RBMS3: variants seen among roughly 807,000 people sequenced by gnomAD.
RBMS3 encodes the protein RNA binding motif single stranded interacting protein 3, also known as RNA-binding motif, single-stranded-interacting protein 3.
RBMS3 carries 27 observed loss-of-function variants against 66.8 expected under a neutral mutation model. The observed-to-expected ratio is 0.40, with a 90% CI of 0.30 to 0.56. The LOEUF is 0.56. Among genes scored for constraint, RBMS3 ranks in the 20% least tolerant of loss-of-function variants. The pLI is 0.40. For missense variants in RBMS3, 513 were observed against 549.5 expected (o/e 0.93, Z 0.66); for synonymous variants, 188 against 183.0 (o/e 1.03, Z -0.22).
intron 4 of RBMS3, among the ~76,000 whole-genome samples, chr3:29,638,897 T>C (rs2049575555): frequency 6.6e-6 from 1 of 151,874 alleles, no homozygotes; most frequent in African/African-American, 2.4e-5. Flanking sequence ...TTAATGTATA[T>C]CGCTGTAAAT....
In RBMS3 at chr3:29,343,242, G is replaced by A. The variant is rs536037399; in HGVS notation, c.75+61486G>A. On this transcript the variant is annotated intron_variant, in intron 1 of 14. Coordinates refer to ENST00000383767, the MANE Select transcript of RBMS3 (RefSeq NM_001003793.3). Reference sequence around the variant, plus strand: ...ATTGGCTTATAACAAGTGAGTATTTGCATAAATAATGCCGTTTGGGGAGTT... The same window carrying A: ...ATTGGCTTATAACAAGTGAGTATTTACATAAATAATGCCGTTTGGGGAGTT... 3.9e-5 allele frequency among the ~76,000 whole-genome samples: 6 copies of A among 152,166 alleles called. No homozygotes were observed. The South Asian group carries it at 1.0e-3, about 26-fold the overall frequency.
At chr3:29,289,622 C>T (rs750159062) in intron 1 of RBMS3, among the ~76,000 whole-genome samples, 53 of 151,710 alleles carry the variant, frequency 3.5e-4, no homozygotes, top group Non-Finnish European at 4.7e-4. Flanking sequence ...AAATGGAACC[C>T]GGAATTTTGT....
intron 3 of RBMS3, among the ~76,000 whole-genome samples, chr3:29,504,527 A>G (rs569605111): frequency 1.8e-3 from 272 of 152,248 alleles, no homozygotes; most frequent in Non-Finnish European, 2.9e-3. Flanking sequence ...TTTCTTGGCT[A>G]TTGTGAATAA....
chr3:29,372,737 A>C (rs995916424), intron 1 of RBMS3, among the ~76,000 whole-genome samples: 23 of 152,174 alleles, frequency 1.5e-4, no homozygotes, highest in Admixed American at 1.3e-3. Context: ...GGAAACTACT[A>C]ATTGAAATAT....
chr3:29,731,079 G>C (rs1229921304), intron 4 of RBMS3: 8 of 940,380 alleles, frequency 8.5e-6, no homozygotes, highest in Admixed American at 6.2e-5. Flanking sequence ...TCAATTGAAG[G>C]CTCCTCAATT....
At chr3:29,976,854 A>AT (rs769494380) in intron 12 of RBMS3, among the ~76,000 whole-genome samples, 3 of 145,834 alleles carry the variant, frequency 2.1e-5, no homozygotes. Flanking sequence ...AAAGTGTGGA[A>AT]TACCTCTGCT....
At chr3:29,863,799 A>G (rs1426423521) in intron 6 of RBMS3, among the ~76,000 whole-genome samples, 2 of 152,186 alleles carry the variant, frequency 1.3e-5, no homozygotes, top group African/African-American at 2.4e-5. Flanking sequence ...TACTCTTTAT[A>G]TATTTGATCC....
intron 7 of RBMS3, among the ~76,000 whole-genome samples, chr3:29,881,334 A>C (rs140367180): frequency 1.4e-3 from 219 of 152,164 alleles, no homozygotes; most frequent in Middle Eastern, 0.014. Flanking sequence ...ATTGCTTTGT[A>C]TTATAATATT....
chr3:29,936,679 T>C (rs1233854498), intron 11 of RBMS3, among the ~76,000 whole-genome samples: 1 of 152,054 alleles, frequency 6.6e-6, no homozygotes, highest in East Asian at 1.9e-4. Context: ...CTTTCTGATA[T>C]GTTGATATGG....
At chr3:29,390,564 A>T (rs879271545) in intron 1 of RBMS3, among the ~76,000 whole-genome samples, 50 of 150,564 alleles carry the variant, frequency 3.3e-4, no homozygotes, top group Non-Finnish European at 7.2e-4. Flanking sequence ...TAAAAAAAAA[A>T]TGAAAAGACA....
At chr3:29,347,776 C>T (rs1444197277) in intron 1 of RBMS3, among the ~76,000 whole-genome samples, 1 of 152,120 alleles carries the variant, frequency 6.6e-6, no homozygotes, top group Non-Finnish European at 1.5e-5. Context: ...CAAAACTCGC[C>T]GTGGCAGCAC....
chr3:29,501,611 G>C (rs1163664967), intron 3 of RBMS3, among the ~76,000 whole-genome samples: 2 of 152,032 alleles, frequency 1.3e-5, no homozygotes, highest in East Asian at 3.9e-4. Flanking sequence ...ATCTGCATTA[G>C]CATTTACCAA....
intron 6 of RBMS3, among the ~76,000 whole-genome samples, chr3:29,803,913 G>A (rs1402979782): frequency 6.6e-6 from 1 of 151,982 alleles, no homozygotes; most frequent in Non-Finnish European, 1.5e-5. Flanking sequence ...AATATTTTAT[G>A]CATCCAGAGT....
intron 6 of RBMS3, among the ~76,000 whole-genome samples, chr3:29,861,759 A>G (rs1343938117): frequency 1.3e-5 from 2 of 152,232 alleles, no homozygotes; most frequent in African/African-American, 4.8e-5. Flanking sequence ...TGTATGTTGC[A>G]TGTTTAATAC....
At chr3:29,592,328 C>T (rs769388663) in intron 4 of RBMS3, among the ~76,000 whole-genome samples, 1 of 151,928 alleles carries the variant, frequency 6.6e-6, no homozygotes, top group Non-Finnish European at 1.5e-5. Flanking sequence ...CAAACAACCT[C>T]ATAAAAAAAG....
At chr3:29,489,999 C>T (rs2043471455) in intron 3 of RBMS3, among the ~76,000 whole-genome samples, 3 of 135,882 alleles carry the variant, frequency 2.2e-5, no homozygotes, top group South Asian at 2.3e-4. Flanking sequence ...GCCGAGATTG[C>T]GTCATTGCAC....
chr3:29,696,133 C>T (rs17024187), intron 4 of RBMS3, among the ~76,000 whole-genome samples: 7,957 of 152,256 alleles, frequency 0.052, 719 homozygotes, highest in African/African-American at 0.18. Flanking sequence ...GATGGTGACA[C>T]TTAATTATGG....
At position 29,471,080 on chromosome 3, in the gene RBMS3, A is replaced by T. The variant is rs543327142; in HGVS notation, c.249-17361A>T. The stretch of plus-strand genomic sequence containing the variant: ...GGTATGGAAAGTGTTAACGCCAGAT[A>T]CAAAATAATTTATGTAATAAGATTA... On this transcript the variant is annotated intron_variant, in intron 2 of 14. Coordinates refer to ENST00000383767, the MANE Select transcript of RBMS3 (RefSeq NM_001003793.3). Among the ~76,000 whole-genome samples, 16 of 152,332 alleles carry T rather than the reference A, an allele frequency of 1.1e-4. No individual in the cohort carries two copies. The South Asian group carries it at 3.3e-3, about 32-fold the overall frequency.
intron 1 of RBMS3, among the ~76,000 whole-genome samples, chr3:29,366,062 C>A (rs2037883749): frequency 6.6e-6 from 1 of 152,118 alleles, no homozygotes; most frequent in Admixed American, 6.6e-5. Flanking sequence ...AAGAGTTGAA[C>A]CAACTTTAAG....
Sources: allele counts gnomAD v4.1 joint callset (sites outside exome capture counted in the v4.1 genomes callset), GRCh38; gene constraint gnomAD v4.1.1; transcripts MANE v1.5; gene names NCBI Gene and HGNC (gene_info 2026-07-23, HGNC 2026-07-21).